TMEM132D: variants seen among roughly 807,000 people sequenced by gnomAD.
TMEM132D encodes the protein mature OL transmembrane protein.
In TMEM132D, 21 loss-of-function variants were observed where a neutral mutation model predicts 62.3. The ratio of observed to expected loss-of-function variants is 0.34; its 90% CI spans 0.24 to 0.49. TMEM132D has a LOEUF of 0.49. Among genes scored for constraint, TMEM132D ranks in the 20% least tolerant of loss-of-function variants. TMEM132D has a pLI of 0.99. For synonymous variants in TMEM132D, 621 were observed against 575.6 expected, an observed-to-expected ratio of 1.08 and a Z score of -1.13; for missense variants, 1,346 against 1,402.8, an observed-to-expected ratio of 0.96 and a Z score of 0.65.
chr12:129,257,482 T>C (rs945448191), intron 4 of TMEM132D, among the ~76,000 whole-genome samples: 1 of 152,186 alleles, frequency 6.6e-6, no homozygotes, highest in Non-Finnish European at 1.5e-5. Context: ...GTGCTGGGAT[T>C]ACAGGCGTGA....
intron 2 of TMEM132D, among the ~76,000 whole-genome samples, chr12:129,563,933 G>A (rs906512683): frequency 6.6e-6 from 1 of 152,158 alleles, no homozygotes; most frequent in Non-Finnish European, 1.5e-5. Context: ...CAGCGTTTGG[G>A]GATAAAGGAA....
rs869098367 is a variant in TMEM132D, at chr12:129,385,085, C to CTTT, written c.1116-47271_1116-47269dup. 3.0e-4 allele frequency among the ~76,000 whole-genome samples: 26 copies of CTTT among 86,892 alleles called. 1 individual carries two copies. The highest frequency in any genetic ancestry group is 8.1e-4 in the African/African-American group (17 of 20,980). The allele number at this position is 86,892 out of a possible 152,430, so 57.0% of individuals were successfully genotyped here. A position where few individuals can be genotyped will look rare whatever the true frequency, so the allele number is the denominator to read the frequency against. ...ATGAGCATTTTACACTGTTAAAGTT[C>CTTT]TTTTTTTTTTTTTTTTTTTTTTTTT... On this transcript the variant is annotated intron_variant, in intron 3 of 8. Coordinates refer to ENST00000422113, the MANE Select transcript of TMEM132D (RefSeq NM_133448.3).
chr12:129,231,119 A>G (rs919354880), intron 4 of TMEM132D, among the ~76,000 whole-genome samples: 1 of 152,178 alleles, frequency 6.6e-6, no homozygotes, highest in African/African-American at 2.4e-5. Flanking sequence ...TCAGAATATA[A>G]CCTTTAGAAG....
At chr12:129,140,115 T>C (rs998465071) in intron 5 of TMEM132D, among the ~76,000 whole-genome samples, 7 of 152,066 alleles carry the variant, frequency 4.6e-5, no homozygotes, top group Admixed American at 4.6e-4. Context: ...CTTATGCATA[T>C]ACTTTGATGC....
chr12:129,511,572 TTTC>T (rs1307903306), intron 3 of TMEM132D, among the ~76,000 whole-genome samples: 3 of 152,230 alleles, frequency 2.0e-5, no homozygotes, highest in Non-Finnish European at 4.4e-5. Context: ...TAAATTTGTA[TTTC>T]TTTCACAGCC....
chr12:129,514,123 G>A (rs1875604029), intron 3 of TMEM132D, among the ~76,000 whole-genome samples: 1 of 151,976 alleles, frequency 6.6e-6, no homozygotes, highest in Non-Finnish European at 1.5e-5. Flanking sequence ...ACAGGCGTGA[G>A]CCACCGAGCC....
chr12:129,888,847 G>C (rs578070508), intron 1 of TMEM132D, among the ~76,000 whole-genome samples: 2 of 152,202 alleles, frequency 1.3e-5, no homozygotes, highest in African/African-American at 4.8e-5. Context: ...CGTGATTCAG[G>C]TAGGTCCTCC....
At chr12:129,526,803 C>A (rs1037236036) in intron 3 of TMEM132D, among the ~76,000 whole-genome samples, 1 of 152,172 alleles carries the variant, frequency 6.6e-6, no homozygotes, top group Non-Finnish European at 1.5e-5. Flanking sequence ...CTTTTGCCTG[C>A]AATGCTGATG....
intron 1 of TMEM132D, among the ~76,000 whole-genome samples, chr12:129,831,385 A>G (rs10847957): frequency 0.2 from 30,113 of 152,156 alleles, 3,115 homozygotes; most frequent in South Asian, 0.3. Context: ...GTCTGCTTCC[A>G]TCACAAGGCG....
intron 5 of TMEM132D, among the ~76,000 whole-genome samples, chr12:129,087,230 C>T (rs752532567): frequency 2.6e-5 from 4 of 152,012 alleles, no homozygotes; most frequent in Admixed American, 6.6e-5. Flanking sequence ...TAGGATCTGC[C>T]GTTTCGCGTC....
intron 2 of TMEM132D, among the ~76,000 whole-genome samples, chr12:129,533,063 T>C (rs1259096738): frequency 6.6e-6 from 1 of 152,166 alleles, no homozygotes. Context: ...CCAGGACACA[T>C]ACTGATTTGG....
intron 3 of TMEM132D, among the ~76,000 whole-genome samples, chr12:129,360,138 A>G (rs1593350719): frequency 6.6e-6 from 1 of 152,196 alleles, no homozygotes; most frequent in Non-Finnish European, 1.5e-5. Flanking sequence ...ACACCTGTCA[A>G]CCCAGGCCCT....
intron 5 of TMEM132D, among the ~76,000 whole-genome samples, chr12:129,198,246 A>T (rs1258911570): frequency 6.6e-6 from 1 of 152,224 alleles, no homozygotes; most frequent in Non-Finnish European, 1.5e-5. Context: ...CATTATGGAG[A>T]ACCATACGGA....
At position 129,904,020 on chromosome 12, in the gene TMEM132D, C is replaced by A. The variant is rs1220629043; in HGVS notation, c.-681G>T. ...CTCGCGGGGCTCTACGCGCGCCGAG[C>A]GCACTGCAGGCTCCGGAGACGCGGG... On this transcript the variant is annotated 5_prime_UTR_variant, in exon 1 of 9. Coordinates refer to ENST00000422113, the MANE Select transcript of TMEM132D (RefSeq NM_133448.3). 6.7e-6 allele frequency among the ~76,000 whole-genome samples: 1 copy of A among 150,254 alleles called. No homozygotes were observed. Among genetic ancestry groups the A allele is most frequent in the East Asian group, 2.0e-4 (1 of 5,120 alleles).
intron 3 of TMEM132D, among the ~76,000 whole-genome samples, chr12:129,442,838 T>C (rs955880596): frequency 3.9e-5 from 6 of 152,152 alleles, no homozygotes; most frequent in African/African-American, 9.7e-5. Context: ...GTATTCATCT[T>C]GGTGTCTGCA....
At chr12:129,772,545 C>T (rs968675162) in intron 1 of TMEM132D, among the ~76,000 whole-genome samples, 5 of 152,168 alleles carry the variant, frequency 3.3e-5, no homozygotes, top group African/African-American at 1.2e-4. Context: ...TTCCATTTCC[C>T]ATGAGTCATA....
chr12:129,474,312 C>T (rs979585468), intron 3 of TMEM132D, among the ~76,000 whole-genome samples: 1 of 152,164 alleles, frequency 6.6e-6, no homozygotes, highest in African/African-American at 2.4e-5. Flanking sequence ...TTGCTCTGGG[C>T]CATGTACAAT....
At chr12:129,617,796 C>T (rs1218131775) in intron 2 of TMEM132D, among the ~76,000 whole-genome samples, 6 of 152,168 alleles carry the variant, frequency 3.9e-5, no homozygotes, top group Admixed American at 1.3e-4. Flanking sequence ...TAATCCCATT[C>T]ATGAGGTTCC....
chr12:129,821,396 T>C (rs1593175244), intron 1 of TMEM132D, among the ~76,000 whole-genome samples: 1 of 152,252 alleles, frequency 6.6e-6, no homozygotes, highest in East Asian at 1.9e-4. Context: ...GTTTGAATTT[T>C]AACAGGTGGC....
Sources: gnomAD v4.1 joint callset for allele counts (sites outside exome capture counted in the v4.1 genomes callset) on GRCh38, gnomAD v4.1.1 for gene constraint, MANE v1.5 for transcripts, NCBI Gene and HGNC (gene_info 2026-07-23, HGNC 2026-07-21) for gene names.